The following ARIH2 variants were observed in gnomAD, a reference collection of about 807,000 sequenced individuals.
ARIH2 encodes the protein E3 ubiquitin-protein ligase ARIH2.
In ARIH2, 12 loss-of-function variants were observed where a neutral mutation model predicts 79.8. The observed-to-expected ratio is 0.15, with a 90% confidence interval of 0.10 to 0.24. The LOEUF (loss-of-function observed/expected upper bound fraction) is 0.24. Among genes scored for constraint, ARIH2 ranks in the 10% least tolerant of loss-of-function variants. The probability of loss-of-function intolerance (pLI) is 1.00; values close to 1 mark genes in which losing one functional copy is unlikely to be tolerated. For synonymous variants in ARIH2, 224 were observed against 213.9 expected, an observed-to-expected ratio of 1.05 and a Z score of -0.41; for missense variants, 301 against 618.3, an observed-to-expected ratio of 0.49 and a Z score of 5.44.
At position 48,918,885 on chromosome 3, in the gene ARIH2, G is replaced by T; in HGVS notation, c.-275G>T. On this transcript the variant is annotated 5_prime_UTR_variant, in exon 1 of 16. Transcript: ENST00000356401. ...CTTCTGGAGGAAGCAGCGCGGGCTT[G>T]ACCGGCGTCGGCCCGCCGCCTCCGC... is the stretch of plus-strand genomic sequence containing the variant. The T allele has an allele frequency of 6.2e-7, 1 of 1,606,652 alleles. No homozygotes were observed.
rs116275172 is a variant in ARIH2, at chr3:48,935,907, G to A, written c.255+8094G>A. On this transcript the variant is annotated intron_variant, in intron 3 of 15. Transcript: ENST00000356401. ...TGCTGACTGGTGCGTCTGAGTGTGC[G>A]TATGATATTGGGTCATATACTTTGG... 7.8e-3 allele frequency among the ~76,000 whole-genome samples: 1,184 copies of A among 152,196 alleles called. 12 individuals carry two copies. Among genetic ancestry groups the A allele is most frequent in the African/African-American group, 0.027 (1,128 of 41,524 alleles).
At chr3:48,935,451 G>A (rs2086976161) in intron 3 of ARIH2, among the ~76,000 whole-genome samples, 1 of 152,184 alleles carries the variant, frequency 6.6e-6, no homozygotes, top group Non-Finnish European at 1.5e-5. Flanking sequence ...ATTTAAGTGA[G>A]TACCTATGTA....
At chr3:48,958,859 A>T (rs890161880) in intron 3 of ARIH2, among the ~76,000 whole-genome samples, 9 of 151,986 alleles carry the variant, frequency 5.9e-5, no homozygotes, top group African/African-American at 1.9e-4. Flanking sequence ...TACAAAATAT[A>T]AAAAAATTAG....
intron 3 of ARIH2, among the ~76,000 whole-genome samples, chr3:48,955,374 A>G (rs1255522682): frequency 6.7e-6 from 1 of 149,316 alleles, no homozygotes; most frequent in Non-Finnish European, 1.5e-5. Context: ...ACTACCCTGG[A>G]TCCATTTTTC....
intron 8 of ARIH2, among the ~76,000 whole-genome samples, chr3:48,972,425 C>G (rs1160399467): frequency 1.1e-5 from 1 of 87,866 alleles, no homozygotes; most frequent in Non-Finnish European, 2.3e-5. Flanking sequence ...GGTGGATCAC[C>G]TAAGGTCAGG....
At chr3:48,977,074 C>G (rs1481384134) in intron 11 of ARIH2, among the ~76,000 whole-genome samples, 1 of 151,918 alleles carries the variant, frequency 6.6e-6, no homozygotes, top group East Asian at 2.0e-4. Context: ...CAATGGCGCA[C>G]TCCTGTAGTC....
At chr3:48,963,840 G>T (rs1483379454) in intron 4 of ARIH2, among the ~76,000 whole-genome samples, 2 of 151,958 alleles carry the variant, frequency 1.3e-5, no homozygotes, top group African/African-American at 4.8e-5. Flanking sequence ...ATGTTTAATG[G>T]CCATTTGTGC....
chr3:48,923,644 C>T (rs907124509), intron 2 of ARIH2, among the ~76,000 whole-genome samples: 1 of 151,772 alleles, frequency 6.6e-6, no homozygotes, highest in Non-Finnish European at 1.5e-5. Context: ...GCTTCAACCT[C>T]CTGAGTAGCT....
At chr3:48,921,634 A>G (rs1439040246) in intron 1 of ARIH2, 1 of 151,574 alleles carries the variant, frequency 6.6e-6, no homozygotes, top group Non-Finnish European at 1.5e-5. Context: ...AGGTTTCACC[A>G]TGTTGCCCAG....
chr3:48,982,560 T>C (rs1469205715), intron 14 of ARIH2: 1 of 227,476 alleles, frequency 4.4e-6, no homozygotes, highest in Non-Finnish European at 8.6e-6. Flanking sequence ...TGATAGTGTC[T>C]GAGAATATTC....
In ARIH2 at chr3:48,974,877, A is replaced by G; in HGVS notation, c.939+10A>G. 6.2e-7 allele frequency: 1 copy of G among 1,614,140 alleles called. No homozygotes were observed. On this transcript the variant is annotated intron_variant, in intron 10 of 15. Coordinates refer to ENST00000356401, the MANE Select transcript of ARIH2 (RefSeq NM_006321.4). ...AGGCTGCAATCACATGGTGAGCAGA[A>G]GCCTCTGCAGTTTGCATGTGTGACA...
chr3:48,982,887 C>A lies in ARIH2; in HGVS notation c.1327-9C>A, dbSNP rs769489308. Reference sequence around the variant, plus strand: ...CTCACCTTTTGACCCTCCTGCTCTGCCTATACAGTTTGAATACCAGCAGGC... The same window carrying A: ...CTCACCTTTTGACCCTCCTGCTCTGACTATACAGTTTGAATACCAGCAGGC... On this transcript the variant is annotated splice_polypyrimidine_tract_variant and intron_variant, in intron 14 of 15. Coordinates refer to ENST00000356401, the MANE Select transcript of ARIH2 (RefSeq NM_006321.4). 1.9e-5 allele frequency: 30 copies of A among 1,613,412 alleles called. No homozygotes were observed. Among genetic ancestry groups the A allele is most frequent in the Admixed American group, 6.7e-5 (4 of 60,004 alleles).
intron 15 of ARIH2, 67 bp from the exon 16 acceptor site, chr3:48,983,132 T>C: frequency 1.3e-6 from 2 of 1,583,928 alleles, no homozygotes; most frequent in Non-Finnish European, 1.7e-6. Flanking sequence ...AGGGTGTTTG[T>C]GGCTTTGGCT....
Position 48,970,687 on chromosome 3 carries a change from G to A in ARIH2, c.753G>A (p.Arg251=). The change falls in exon 8 of 16, where the codon CGG becomes CGA. Residue 251 remains arginine, a synonymous_variant. Coordinates refer to ENST00000356401, the MANE Select transcript of ARIH2 (RefSeq NM_006321.4). ...EPRARRVQCN[R]CNEVFCFKCR... is the part of the protein sequence containing the mutation. ...GAGCTCGCCGAGTACAGTGCAATCGGTGCAACGAGGTCTTCTGGTAAGAGT... is the reference window on the plus strand; with the variant it reads ...GAGCTCGCCGAGTACAGTGCAATCGATGCAACGAGGTCTTCTGGTAAGAGT... The A allele has an allele frequency of 6.2e-7, 1 of 1,613,772 alleles. No homozygotes were observed.
At chr3:48,937,199 T>C (rs140504289) in intron 3 of ARIH2, among the ~76,000 whole-genome samples, 13 of 152,362 alleles carry the variant, frequency 8.5e-5, no homozygotes, top group African/African-American at 3.1e-4. Flanking sequence ...TTATTCTCTT[T>C]GACTAGCAGT....
At chr3:48,925,953 C>T (rs1335210728) in intron 2 of ARIH2, among the ~76,000 whole-genome samples, 3 of 152,084 alleles carry the variant, frequency 2.0e-5, no homozygotes, top group African/African-American at 7.2e-5. Context: ...CTCCTGACCT[C>T]GTGATCCACC....
At chr3:48,928,252 G>T (rs1289914144) in intron 3 of ARIH2, among the ~76,000 whole-genome samples, 1 of 152,094 alleles carries the variant, frequency 6.6e-6, no homozygotes, top group Non-Finnish European at 1.5e-5. Context: ...CATTGCCTTT[G>T]GGCTAATGAG....
rs35527042 is a variant in ARIH2, at chr3:48,925,998, G to T, written c.-97-1464G>T. Among the ~76,000 whole-genome samples, 252 of 152,196 alleles carry T rather than the reference G, an allele frequency of 1.7e-3. 1 individual carries two copies. Among genetic ancestry groups the T allele is most frequent in the East Asian group, 3.5e-3 (18 of 5,178 alleles). The stretch of plus-strand genomic sequence containing the variant: ...TTCCCAAAGTGCTGGGATTACAGGC[G>T]TGAGCCACCGCACCTGGCCTAGTTT... On this transcript the variant is annotated intron_variant, in intron 2 of 15. Transcript: ENST00000356401.
At chr3:48,977,078 T>G (rs2092548681) in intron 11 of ARIH2, among the ~76,000 whole-genome samples, 1 of 151,838 alleles carries the variant, frequency 6.6e-6, no homozygotes, top group African/African-American at 2.4e-5. Flanking sequence ...GGCGCACTCC[T>G]GTAGTCCCAG....
Sources: gnomAD v4.1 joint callset for allele counts (sites outside exome capture counted in the v4.1 genomes callset) on GRCh38, gnomAD v4.1.1 for gene constraint, MANE v1.5 for transcripts, NCBI Gene and HGNC (gene_info 2026-07-23, HGNC 2026-07-21) for gene names.